NR4A3: variants seen among roughly 807,000 people sequenced by gnomAD.
NR4A3 encodes the protein nuclear receptor subfamily 4 group A member 3, also known as chondrosarcoma, extraskeletal myxoid, fused to EWS.
Under a neutral mutation model 55.6 loss-of-function variants are expected in NR4A3, and 13 were observed. That is an observed-to-expected ratio of 0.23 (90% CI 0.15 to 0.37). The LOEUF is 0.37. Ranked by LOEUF, NR4A3 falls within the 10% of genes least tolerant of loss-of-function variation. NR4A3 has a pLI of 1.00. For missense variants in NR4A3, 646 were observed against 822.8 expected, an observed-to-expected ratio of 0.79 and a Z score of 2.63; for synonymous variants, 342 against 357.9, an observed-to-expected ratio of 0.96 and a Z score of 0.50.
At position 99,825,434 on chromosome 9, in the gene NR4A3, T is replaced by G. The variant is rs1156737258; in HGVS notation, c.-176-225T>G. Among the ~76,000 whole-genome samples the G allele has an allele frequency of 5.3e-5, 8 of 152,126 alleles. No homozygotes were observed. Among genetic ancestry groups the G allele is most frequent in the Non-Finnish European group, 1.2e-4 (8 of 67,972 alleles). On this transcript the variant is annotated intron_variant, in intron 1 of 7. Transcript: ENST00000395097. The surrounding 1 kb of genome is among the most constrained non-coding windows in gnomAD (Gnocchi z 5.0). ...ACAAAACGGTGGTAGGCGCAGTGGG[T>G]TCCAACAACCTTTCCTCGGCTTCCC...
intron 7 of NR4A3, among the ~76,000 whole-genome samples, chr9:99,856,137 C>T (rs139250486): frequency 5.1e-4 from 77 of 152,132 alleles, no homozygotes; most frequent in Middle Eastern, 3.4e-3. Flanking sequence ...ATTTATTGCG[C>T]ACTTTATTTC....
chr9:99,861,024 A>C (rs1397117624), intron 7 of NR4A3, among the ~76,000 whole-genome samples: 2 of 152,162 alleles, frequency 1.3e-5, no homozygotes, highest in African/African-American at 4.8e-5. Flanking sequence ...AATAATTCCG[A>C]TTTTCCTGTG....
intron 7 of NR4A3, among the ~76,000 whole-genome samples, chr9:99,851,654 G>A (rs1445965523): frequency 6.6e-6 from 1 of 152,080 alleles, no homozygotes; most frequent in East Asian, 1.9e-4. Context: ...CTCCTTTCCT[G>A]CAGTAAACAG....
intron 7 of NR4A3, among the ~76,000 whole-genome samples, chr9:99,850,365 G>A (rs1185838730): frequency 6.6e-6 from 1 of 152,204 alleles, no homozygotes; most frequent in East Asian, 1.9e-4. Context: ...CCACATCTTT[G>A]TTTCACTCTT....
intron 7 of NR4A3, among the ~76,000 whole-genome samples, chr9:99,857,749 G>C (rs1398386132): frequency 7.4e-6 from 1 of 135,622 alleles, no homozygotes; most frequent in Non-Finnish European, 1.6e-5. Context: ...GCAAGACTCT[G>C]TCTCACAAAT....
intron 5 of NR4A3, among the ~76,000 whole-genome samples, chr9:99,838,914 G>A (rs937905293): frequency 2.0e-5 from 3 of 152,198 alleles, no homozygotes; most frequent in Admixed American, 1.3e-4. Context: ...GCTTTTCCTG[G>A]GGTTGAGAAG....
rs763591524 is a variant in NR4A3 at position 99,844,843 on chromosome 9, C to T, written c.1449C>T (p.Ser483=). ...TGGAGCTGTTTGTCCTCAGACTTTC[C>T]ATCAGGTAATTACTACTATTTTATC... The part of the protein sequence containing the change: ...AFLELFVLRL[S]IRSNTAEDKF... Residue 483 remains serine, a synonymous_variant, in exon 6 of 8, where the codon TCC becomes TCT. Transcript: ENST00000395097. 7 of 1,612,376 alleles carry T rather than the reference C, an allele frequency of 4.3e-6. No individual in the cohort carries two copies. Among genetic ancestry groups the T allele is most frequent in the Admixed American group, 3.3e-5 (2 of 60,030 alleles).
chr9:99,847,638 C>T (rs758314681), intron 7 of NR4A3, 23 bp downstream of exon 7: 4 of 1,608,452 alleles, frequency 2.5e-6, no homozygotes, highest in Non-Finnish European at 2.6e-6. Context: ...TTGCCAAAAC[C>T]GCATCCTCAT....
At chr9:99,832,195 T>C (rs1827458305) in intron 3 of NR4A3, among the ~76,000 whole-genome samples, 1 of 152,220 alleles carries the variant, frequency 6.6e-6, no homozygotes, top group South Asian at 2.1e-4. Context: ...TATGTTTTAA[T>C]TAGAAAAATC....
At position 99,841,265 on chromosome 9, in the gene NR4A3, G is replaced by A. The variant is rs549531056; in HGVS notation, c.1255-3384G>A. On this transcript the variant is annotated intron_variant, in intron 5 of 7. Coordinates refer to ENST00000395097, the MANE Select transcript of NR4A3 (RefSeq NM_006981.4). ...AAAAAAAAGGAGGAGGTAGTGGCAA[G>A]TGTCTATGACATAGGATCGTGCCGC... 9.3e-5 allele frequency among the ~76,000 whole-genome samples: 14 copies of A among 149,786 alleles called. No homozygotes were observed. The East Asian group carries it at 2.7e-3, about 29-fold the overall frequency.
intron 6 of NR4A3, among the ~76,000 whole-genome samples, chr9:99,846,312 C>T (rs1239460841): frequency 2.0e-5 from 3 of 152,158 alleles, no homozygotes; most frequent in Non-Finnish European, 4.4e-5. Flanking sequence ...CATGGGCTTT[C>T]AAATCCTTTC....
chr9:99,834,167 C>T (rs976252880), intron 5 of NR4A3: 5 of 415,050 alleles, frequency 1.2e-5, no homozygotes, highest in Admixed American at 1.2e-4. Flanking sequence ...AACATATCAA[C>T]ATTTTTATTT....
chr9:99,825,240 G>A lies in NR4A3; in HGVS notation c.-176-419G>A, dbSNP rs889137674. ...AGCTGGAAAATGGCTTTTTTCCGCT[G>A]GTGAACACTCACTGACCCCCCGTAT... On this transcript the variant is annotated intron_variant, in intron 1 of 7. Transcript: ENST00000395097. This position sits in a 1 kb window ranked among gnomAD's most constrained non-coding sequence, Gnocchi z 5.0. Among the ~76,000 whole-genome samples the A allele has an allele frequency of 5.9e-5, 9 of 152,116 alleles. No homozygotes were observed. Among genetic ancestry groups the A allele is most frequent in the African/African-American group, 9.7e-5 (4 of 41,428 alleles).
chr9:99,828,553 C>T lies in NR4A3; in HGVS notation c.511C>T (p.Pro171Ser). 6.6e-7 allele frequency: 1 copy of T among 1,514,662 alleles called. No individual in the cohort carries two copies. The highest frequency in any genetic ancestry group is 8.8e-7 in the Non-Finnish European group (1 of 1,136,098). The allele number at this position is 1,514,662 out of a possible 1,614,324, so 93.8% of individuals were successfully genotyped here. The change falls in exon 3 of 8, where the codon CCG (proline) becomes TCG (serine). Residue 171 changes from proline (P) to serine (S), a missense_variant. By Grantham distance (74) the Pro-to-Ser change is moderately conservative. Coordinates refer to ENST00000395097, the MANE Select transcript of NR4A3 (RefSeq NM_006981.4). The surrounding 1 kb of genome is among the most constrained non-coding windows in gnomAD (Gnocchi z 7.7). The part of the protein sequence containing the change: ...PSAPGCIAPG[P>S]LLDPPMKAVP... ...GGCGCCCGGCTGCATCGCACCCGGCCCGCTGCTGGACCCGCCGATGAAGGC... is the reference window on the plus strand; with the variant it reads ...GGCGCCCGGCTGCATCGCACCCGGCTCGCTGCTGGACCCGCCGATGAAGGC...
rs1828056942 is a variant in NR4A3, at chr9:99,864,319, C to T, written c.*452C>T. On this transcript the variant is annotated 3_prime_UTR_variant, in exon 8 of 8. Transcript: ENST00000395097. ...TAAAGATTGGTCCCTTGAAAATATGCTTCCTGTATCAAAGGTACGTATGTG... is the reference window on the plus strand; with the variant it reads ...TAAAGATTGGTCCCTTGAAAATATGTTTCCTGTATCAAAGGTACGTATGTG... 1 of 233,592 alleles carries T rather than the reference C, an allele frequency of 4.3e-6. No individual in the cohort carries two copies. The highest frequency in any genetic ancestry group is 1.7e-4 in the South Asian group (1 of 5,858). The allele number at this position is 233,592 out of a possible 1,614,324, so 14.5% of individuals were successfully genotyped here. A position where few individuals can be genotyped will look rare whatever the true frequency, so the allele number is the denominator to read the frequency against.
At chr9:99,853,485 G>C (rs558380476) in intron 7 of NR4A3, among the ~76,000 whole-genome samples, 2 of 94,428 alleles carry the variant, frequency 2.1e-5, no homozygotes, top group Non-Finnish European at 4.2e-5. Flanking sequence ...CCCCTCCCCC[G>C]ACCCCACCAC....
rs1208698578 is a variant in NR4A3, at chr9:99,828,339, C to T, written c.297C>T (p.His99=). The change falls in exon 3 of 8, where the codon CAC becomes CAT. Residue 99 remains histidine (H), a synonymous_variant. Transcript: ENST00000395097. This position sits in a 1 kb window ranked among gnomAD's most constrained non-coding sequence, Gnocchi z 7.7. ...GRAPSYHHHH[H]HHHHHHHHHQ... ...CGCCCAGCTACCATCACCATCACCA[C>T]CACCACCACCACCACCACCACCATC... 1.3e-6 allele frequency: 2 copies of T among 1,598,288 alleles called. No individual in the cohort carries two copies. The highest frequency in any genetic ancestry group is 1.1e-5 in the South Asian group (1 of 88,492).
chr9:99,849,644 T>C (rs752998256), intron 7 of NR4A3, among the ~76,000 whole-genome samples: 2 of 152,222 alleles, frequency 1.3e-5, no homozygotes, highest in Non-Finnish European at 2.9e-5. Context: ...TGGAGTTTAG[T>C]TCATTTTAAA....
At chr9:99,843,512 G>C (rs747286105) in intron 5 of NR4A3, among the ~76,000 whole-genome samples, 4 of 152,010 alleles carry the variant, frequency 2.6e-5, no homozygotes, top group Non-Finnish European at 5.9e-5. Flanking sequence ...GAATCACCTG[G>C]AGATCTTGAT....
Sources: allele counts gnomAD v4.1 joint callset (sites outside exome capture counted in the v4.1 genomes callset), GRCh38; gene constraint gnomAD v4.1.1; non-coding constraint Gnocchi (gnomAD v3.1); transcripts MANE v1.5; gene names NCBI Gene and HGNC (gene_info 2026-07-23, HGNC 2026-07-21).